EXOC2: variants seen among roughly 807,000 people sequenced by gnomAD.
The protein encoded by EXOC2 is exocyst complex component 2.
A neutral mutation model predicts 131.8 loss-of-function variants in EXOC2; 70 were observed. That is an observed-to-expected ratio of 0.53 (90% confidence interval 0.44 to 0.65). EXOC2 has a LOEUF of 0.65. EXOC2 is among the 30% of genes least tolerant of loss of function. The pLI, the probability that EXOC2 is intolerant of heterozygous loss-of-function variation, is 0.00. For synonymous variants in EXOC2, 411 were observed against 398.4 expected (o/e 1.03, Z -0.38); for missense variants, 923 against 1,108.6 (o/e 0.83, Z 2.38).
rs142283918 is a variant in EXOC2 at position 486,748 on chromosome 6, G to A, written c.2698C>T (p.Leu900=). ...GADKKLLEEL[L]NKFKSSMHLQ... ...TGCATGCTACTCTTGAACTTGTTCA[G>A]GAGCTCTTCCAGTAACCTGCAGGAC... is the stretch of plus-strand genomic sequence containing the variant. Residue 900 remains leucine, a synonymous_variant, in exon 28 of 28, where the codon CTG becomes TTG. Coordinates refer to ENST00000230449, the MANE Select transcript of EXOC2 (RefSeq NM_018303.6). 101 of 1,613,820 alleles carry A rather than the reference G, an allele frequency of 6.3e-5. No homozygotes were observed. The Middle Eastern group carries it at 1.3e-3, about 21-fold the overall frequency.
At position 553,934 on chromosome 6, in the gene EXOC2, C is replaced by A; in HGVS notation, c.2055-14G>T. 6.2e-7 allele frequency: 1 copy of A among 1,607,242 alleles called. No homozygotes were observed. Among genetic ancestry groups the A allele is most frequent in the Non-Finnish European group, 8.5e-7 (1 of 1,174,110 alleles). ...TCAACAGAGAGACTGAACATAGAAG[C>A]AAGTAGGAACAGTTACAAATAAAGC... On this transcript the variant is annotated splice_polypyrimidine_tract_variant and intron_variant, in intron 20 of 27. Coordinates refer to ENST00000230449, the MANE Select transcript of EXOC2 (RefSeq NM_018303.6).
At chr6:522,231 G>A (rs1397858536) in intron 23 of EXOC2, among the ~76,000 whole-genome samples, 1 of 151,952 alleles carries the variant, frequency 6.6e-6, no homozygotes, top group Non-Finnish European at 1.5e-5. Context: ...GTGAAATGAT[G>A]GTACAGCAAG....
rs760298508 is a variant in EXOC2, at chr6:555,998, T to C, written c.1948A>G (p.Lys650Glu). ...PGEASVFQQP[K>E]TQEEVCQLSI... ...AGCTGGCAAACCTCCTCCTGTGTTTTAGGTTGTTGGAAGACCTGTAAGGAA... is the reference window on the plus strand; with the variant it reads ...AGCTGGCAAACCTCCTCCTGTGTTTCAGGTTGTTGGAAGACCTGTAAGGAA... Residue 650 changes from lysine to glutamate, a missense_variant, in exon 19 of 28, where the codon AAA becomes GAA. Physicochemically the swap from Lys to Glu is moderately conservative, Grantham distance 56 (BLOSUM62 1). Transcript: ENST00000230449. 17 of 1,614,052 alleles carry C rather than the reference T, an allele frequency of 1.1e-5. No homozygotes were observed. In the African/African-American group the frequency reaches 2.1e-4, roughly 20 times the overall value.
At chr6:505,308 T>C (rs192301176) in intron 23 of EXOC2, among the ~76,000 whole-genome samples, 164 of 152,306 alleles carry the variant, frequency 1.1e-3, no homozygotes, top group Middle Eastern at 3.4e-3. Flanking sequence ...AATGGCTCAA[T>C]GTCAAATGCC....
chr6:623,422 C>G (rs750100636), intron 4 of EXOC2, among the ~76,000 whole-genome samples: 3 of 152,244 alleles, frequency 2.0e-5, no homozygotes, highest in Non-Finnish European at 4.4e-5. Flanking sequence ...CATTAAAACT[C>G]TTTCACTGAT....
At chr6:622,971 G>A (rs1051835610) in intron 4 of EXOC2, among the ~76,000 whole-genome samples, 1 of 152,202 alleles carries the variant, frequency 6.6e-6, no homozygotes, top group Non-Finnish European at 1.5e-5. Context: ...TCCAGGAGAG[G>A]GACTGTTAAG....
intron 22 of EXOC2, among the ~76,000 whole-genome samples, chr6:535,610 A>C (rs1052849258): frequency 6.6e-6 from 1 of 152,308 alleles, no homozygotes; most frequent in South Asian, 2.1e-4. Flanking sequence ...ACAACCTTCA[A>C]AAACTGGCAC....
intron 1 of EXOC2, chr6:679,625 T>C (rs754707512): frequency 2.0e-5 from 3 of 152,192 alleles, no homozygotes; most frequent in Admixed American, 6.6e-5. Flanking sequence ...ACCATGGGGA[T>C]TGCTATTAGG....
intron 27 of EXOC2, among the ~76,000 whole-genome samples, chr6:487,274 AT>A (rs1289755294): frequency 1.3e-5 from 2 of 152,040 alleles, no homozygotes; most frequent in Non-Finnish European, 2.9e-5. Context: ...ATTAACAGGT[AT>A]TAGAGAGTGG....
intron 10 of EXOC2, among the ~76,000 whole-genome samples, chr6:597,133 C>A (rs1343652221): frequency 6.6e-6 from 1 of 152,084 alleles, no homozygotes; most frequent in Non-Finnish European, 1.5e-5. Flanking sequence ...CTCTCTAAGG[C>A]CTTCTCTTCA....
intron 4 of EXOC2, among the ~76,000 whole-genome samples, chr6:628,607 T>C (rs1450183189): frequency 6.6e-6 from 1 of 152,216 alleles, no homozygotes; most frequent in Non-Finnish European, 1.5e-5. Context: ...ATTTTGTATA[T>C]CTCCATATTC....
intron 6 of EXOC2, among the ~76,000 whole-genome samples, chr6:610,742 C>T (rs1209682479): frequency 1.3e-5 from 2 of 152,218 alleles, no homozygotes; most frequent in Admixed American, 6.5e-5. Context: ...TATGAATACA[C>T]ACTCAATGCC....
At chr6:641,364 G>A (rs766833639) in intron 1 of EXOC2, among the ~76,000 whole-genome samples, 2 of 152,120 alleles carry the variant, frequency 1.3e-5, no homozygotes, top group African/African-American at 2.4e-5. Context: ...GCAATAGGAG[G>A]GTCTTTGTTA....
At chr6:572,043 A>G (rs1488525133) in intron 13 of EXOC2, among the ~76,000 whole-genome samples, 19 of 152,224 alleles carry the variant, frequency 1.2e-4, no homozygotes, top group Admixed American at 1.2e-3. Flanking sequence ...CTGTAAGCTG[A>G]TAACAATGGG....
intron 10 of EXOC2, among the ~76,000 whole-genome samples, chr6:594,701 G>A (rs3799314): frequency 0.093 from 14,191 of 152,076 alleles, 1,165 homozygotes; most frequent in African/African-American, 0.22. Flanking sequence ...TCTTATTAAC[G>A]GGTATTAAAG....
At chr6:512,838 C>T (rs1764927730) in intron 23 of EXOC2, among the ~76,000 whole-genome samples, 1 of 152,188 alleles carries the variant, frequency 6.6e-6, no homozygotes, top group Admixed American at 6.5e-5. Flanking sequence ...AAAACAGTAT[C>T]TAACCCCAAC....
chr6:523,103 T>C (rs1765564753), intron 23 of EXOC2, among the ~76,000 whole-genome samples: 1 of 152,178 alleles, frequency 6.6e-6, no homozygotes, highest in Admixed American at 6.5e-5. Flanking sequence ...ACAGGTAACA[T>C]CTGAAAATCT....
chr6:613,832 GT>G (rs1271209265), intron 6 of EXOC2, among the ~76,000 whole-genome samples: 1 of 151,952 alleles, frequency 6.6e-6, no homozygotes, highest in Non-Finnish European at 1.5e-5. Context: ...GTATACATAT[GT>G]AACAAACCTG....
chr6:580,759 A>G (rs1451498146), intron 11 of EXOC2, among the ~76,000 whole-genome samples: 3 of 152,156 alleles, frequency 2.0e-5, no homozygotes, highest in South Asian at 2.1e-4. Context: ...CAATTCTAAA[A>G]GTCTTTTTAG....
Sources: gnomAD v4.1 joint callset for allele counts (sites outside exome capture counted in the v4.1 genomes callset) on GRCh38, gnomAD v4.1.1 for gene constraint, MANE v1.5 for transcripts, NCBI Gene and HGNC (gene_info 2026-07-23, HGNC 2026-07-21) for gene names.